Variants in KIF21A observed in about 807,000 individuals in gnomAD.
KIF21A encodes kinesin family member 21A, also known as kinesin-like protein KIF21A.
KIF21A carries 114 observed loss-of-function variants against 202.9 expected under a neutral mutation model. The ratio of observed to expected loss-of-function variants is 0.56; its 90% CI spans 0.48 to 0.66. The LOEUF is 0.66. Among genes scored for constraint, KIF21A ranks in the 30% least tolerant of loss-of-function variants. The pLI, the probability that KIF21A is intolerant of heterozygous loss-of-function variation, is 0.00. For synonymous variants in KIF21A, 667 were observed against 670.8 expected (o/e 0.99, Z 0.09); for missense variants, 1,677 against 1,994.9 (o/e 0.84, Z 3.04).
chr12:39,440,869 G>A (rs575372451), intron 1 of KIF21A, among the ~76,000 whole-genome samples: 24 of 152,124 alleles, frequency 1.6e-4, no homozygotes, highest in African/African-American at 5.5e-4. Context: ...ATAAAAATTA[G>A]CCAAGCAGTG....
chr12:39,320,123 G>T (rs1398053785), intron 27 of KIF21A, 110 bp from the exon 28 acceptor site: 2 of 656,102 alleles, frequency 3.0e-6, no homozygotes, highest in Non-Finnish European at 5.4e-6. Flanking sequence ...ACCTCAGAAA[G>T]ATTATTACTT....
rs1422921549 is a variant in KIF21A, at chr12:39,421,869, TAAAC to T, written c.44+21054_44+21057del. ...ATATATAATTTATATATATAAATAA[TAAAC>T]ATATATATGGCAGAAATAAAATAAC... On this transcript the variant is annotated intron_variant, in intron 1 of 37. Coordinates refer to ENST00000361418, the MANE Select transcript of KIF21A (RefSeq NM_001173464.2). 4.1e-5 allele frequency among the ~76,000 whole-genome samples: 6 copies of T among 147,858 alleles called. No homozygotes were observed. The East Asian group carries it at 9.8e-4, about 24-fold the overall frequency.
chr12:39,420,955 AT>A (rs1954207886), intron 1 of KIF21A, among the ~76,000 whole-genome samples: 2 of 152,172 alleles, frequency 1.3e-5, no homozygotes, highest in South Asian at 2.1e-4. Context: ...AAAAAAAAAA[AT>A]AAAGTGAAGT....
At chr12:39,387,338 T>C (rs767806373) in intron 1 of KIF21A, among the ~76,000 whole-genome samples, 1 of 152,044 alleles carries the variant, frequency 6.6e-6, no homozygotes, top group African/African-American at 2.4e-5. Context: ...ATGTCCACTT[T>C]AAATTTGGCC....
chr12:39,381,990 G>A (rs1950644627), intron 1 of KIF21A, among the ~76,000 whole-genome samples: 1 of 152,162 alleles, frequency 6.6e-6, no homozygotes, highest in Admixed American at 6.6e-5. Context: ...CCAGACAATA[G>A]CAAGCAAGAA....
At chr12:39,399,349 G>T (rs1033089427) in intron 1 of KIF21A, among the ~76,000 whole-genome samples, 4 of 152,098 alleles carry the variant, frequency 2.6e-5, no homozygotes, top group Non-Finnish European at 4.4e-5. Context: ...ACAGATTTTG[G>T]TACCCACAGG....
chr12:39,380,319 C>T (rs749887461), intron 1 of KIF21A, among the ~76,000 whole-genome samples: 4 of 152,184 alleles, frequency 2.6e-5, no homozygotes, highest in Non-Finnish European at 4.4e-5. Context: ...CTTTCACTCC[C>T]ATTCCTGAAG....
chr12:39,315,801 T>A, intron 30 of KIF21A, 131 bp downstream of exon 30: 1 of 776,768 alleles, frequency 1.3e-6, no homozygotes. Flanking sequence ...TGTTTAGAAA[T>A]ATTAGTGCAT....
chr12:39,397,588 T>C (rs1300346550), intron 1 of KIF21A, among the ~76,000 whole-genome samples: 1 of 152,228 alleles, frequency 6.6e-6, no homozygotes, highest in Non-Finnish European at 1.5e-5. Flanking sequence ...TACTGACATA[T>C]TCCTATGACC....
At chr12:39,431,114 T>C (rs1426838973) in intron 1 of KIF21A, among the ~76,000 whole-genome samples, 1 of 152,132 alleles carries the variant, frequency 6.6e-6, no homozygotes, top group Non-Finnish European at 1.5e-5. Context: ...GCCTCCAGGT[T>C]GAATGGGGTA....
At chr12:39,320,945 A>T (rs1001534655) in intron 27 of KIF21A, among the ~76,000 whole-genome samples, 5 of 150,100 alleles carry the variant, frequency 3.3e-5, no homozygotes, top group Non-Finnish European at 7.4e-5. Context: ...AAAAAAAAAA[A>T]AAAAAAAAAA....
At chr12:39,305,049 T>C in intron 34 of KIF21A, 111 bp from the exon 35 acceptor site, 1 of 680,900 alleles carries the variant, frequency 1.5e-6, no homozygotes, top group Non-Finnish European at 2.6e-6. Context: ...ACTAACTTTT[T>C]TTTTTCTTTG....
chr12:39,365,997 C>A lies in KIF21A; in HGVS notation c.903+353G>T, dbSNP rs138925352. 1.6e-3 allele frequency among the ~76,000 whole-genome samples: 241 copies of A among 151,954 alleles called. 2 individuals are homozygous for A. The highest frequency in any genetic ancestry group is 5.5e-3 in the African/African-American group (226 of 41,446). On this transcript the variant is annotated intron_variant, in intron 6 of 37. Coordinates refer to ENST00000361418, the MANE Select transcript of KIF21A (RefSeq NM_001173464.2). ...CAGGAGAGTGGGTGACAGAGTGAGA[C>A]CCTGTTTTAAAAAAATAAAAGATAA...
chr12:39,370,067 T>C lies in KIF21A; in HGVS notation c.239A>G (p.Tyr80Cys). 6.2e-7 allele frequency: 1 copy of C among 1,613,626 alleles called. No homozygotes were observed. The highest frequency in any genetic ancestry group is 8.5e-7 in the Non-Finnish European group (1 of 1,179,630). ...EKLIEGCFEG[Y>C]NATVFAYGQT... ...TCCATAAGCAAAAACTGTAGCATTGTATCCTTCAAAGCAACCTTCAATTAG... is the reference window on the plus strand; with the variant it reads ...TCCATAAGCAAAAACTGTAGCATTGCATCCTTCAAAGCAACCTTCAATTAG... Residue 80 changes from tyrosine (Y) to cysteine (C), a missense_variant, in exon 2 of 38, where the codon TAC becomes TGC. Transcript: ENST00000361418.
At chr12:39,321,192 T>A (rs1945212539) in intron 27 of KIF21A, among the ~76,000 whole-genome samples, 1 of 152,110 alleles carries the variant, frequency 6.6e-6, no homozygotes, top group African/African-American at 2.4e-5. Flanking sequence ...GTGACCAAAC[T>A]CTCACAATGT....
chr12:39,427,812 C>T (rs2140311167), intron 1 of KIF21A, among the ~76,000 whole-genome samples: 1 of 152,280 alleles, frequency 6.6e-6, no homozygotes, highest in East Asian at 1.9e-4. Context: ...GTGCCTGCCA[C>T]CACACCCAGC....
chr12:39,320,109 T>A (rs1945045179), intron 27 of KIF21A, 96 bp from the exon 28 acceptor site: 2 of 692,248 alleles, frequency 2.9e-6, no homozygotes, highest in Admixed American at 2.4e-5. Context: ...GGTTAATAAC[T>A]GGAACCTCAG....
At chr12:39,324,999 A>T (rs1945706860) in intron 26 of KIF21A, among the ~76,000 whole-genome samples, 1 of 152,236 alleles carries the variant, frequency 6.6e-6, no homozygotes, top group African/African-American at 2.4e-5. Flanking sequence ...TACCATAGCT[A>T]TCTCACACAT....
rs527896995 is a variant in KIF21A, at chr12:39,434,341, T to C, written c.44+8586A>G. ...TAATGAGGGCAGAGCCCTCATGAAC[T>C]AATCACTTCTTAGGCTCCACTTCCC... On this transcript the variant is annotated intron_variant, in intron 1 of 37. Transcript: ENST00000361418. Among the ~76,000 whole-genome samples the C allele has an allele frequency of 1.2e-4, 18 of 152,332 alleles. No individual in the cohort carries two copies. In the South Asian group the frequency reaches 3.3e-3, roughly 28 times the overall value.
Sources: gnomAD v4.1 joint callset for allele counts (sites outside exome capture counted in the v4.1 genomes callset) on GRCh38, gnomAD v4.1.1 for gene constraint, MANE v1.5 for transcripts, NCBI Gene and HGNC (gene_info 2026-07-23, HGNC 2026-07-21) for gene names.